PARD3: variants seen among roughly 807,000 people sequenced by gnomAD.
PARD3 encodes the protein partitioning defective 3 homolog.
PARD3 carries 75 observed loss-of-function variants against 155.4 expected under a neutral mutation model. The observed-to-expected ratio is 0.48, with a 90% CI of 0.40 to 0.58. The LOEUF is 0.58. Among genes scored for constraint, PARD3 ranks in the 20% least tolerant of loss-of-function variants. The pLI is 0.00. For missense variants in PARD3, 1,642 were observed against 1,721.7 expected (o/e 0.95, Z 0.82); for synonymous variants, 576 against 610.5 (o/e 0.94, Z 0.83).
At chr10:34,720,551 A>C (rs2094589499) in intron 1 of PARD3, among the ~76,000 whole-genome samples, 1 of 151,146 alleles carries the variant, frequency 6.6e-6, no homozygotes, top group African/African-American at 2.4e-5. Context: ...TAATCTCAGC[A>C]CTTTGGGAGG....
At chr10:34,260,659 C>A (rs962520629) in intron 22 of PARD3, among the ~76,000 whole-genome samples, 9 of 152,196 alleles carry the variant, frequency 5.9e-5, no homozygotes, top group African/African-American at 2.2e-4. Flanking sequence ...CATTAATTAG[C>A]AAAGGCACCA....
intron 7 of PARD3, among the ~76,000 whole-genome samples, chr10:34,399,020 TC>T (rs1188696288): frequency 6.6e-6 from 1 of 152,186 alleles, no homozygotes; most frequent in African/African-American, 2.4e-5. Context: ...TGCAAATTCA[TC>T]TGGAGTTCTG....
chr10:34,373,502 G>A (rs960187377), intron 11 of PARD3, among the ~76,000 whole-genome samples: 14 of 151,238 alleles, frequency 9.3e-5, no homozygotes, highest in African/African-American at 2.4e-4. Flanking sequence ...TTAAAGCTTC[G>A]GCAAATCACA....
intron 2 of PARD3, 35 bp downstream of exon 2, chr10:34,696,283 G>C: frequency 8.8e-7 from 1 of 1,138,782 alleles, no homozygotes; most frequent in Non-Finnish European, 1.3e-6. Flanking sequence ...AAAAAAAAAT[G>C]CATTCAGAAC....
At chr10:34,202,253 TATA>T (rs960135552) in intron 22 of PARD3, among the ~76,000 whole-genome samples, 1 of 152,156 alleles carries the variant, frequency 6.6e-6, no homozygotes, top group Non-Finnish European at 1.5e-5. Flanking sequence ...TTAAATCTTT[TATA>T]AAGATGGGAT....
chr10:34,445,672 A>T (rs2076699622), intron 5 of PARD3, among the ~76,000 whole-genome samples: 1 of 152,186 alleles, frequency 6.6e-6, no homozygotes, highest in Admixed American at 6.5e-5. Context: ...TTCCTTAAAA[A>T]CAGGTCTACA....
chr10:34,643,334 C>A (rs2092738549), intron 2 of PARD3, among the ~76,000 whole-genome samples: 1 of 152,210 alleles, frequency 6.6e-6, no homozygotes, highest in Non-Finnish European at 1.5e-5. Flanking sequence ...GCCATCAGGG[C>A]AGGGCCTCTG....
At position 34,414,103 on chromosome 10, in the gene PARD3, T is replaced by G. The variant is rs1459502605; in HGVS notation, c.715-12186A>C. On this transcript the variant is annotated intron_variant, in intron 5 of 24. Transcript: ENST00000374788. Reference sequence around the variant, plus strand: ...GTCTCAGCGACTCAGGAGGCTGAGGTGGGAGGATCACTTGAGCCCCAGAGG... The same window carrying G: ...GTCTCAGCGACTCAGGAGGCTGAGGGGGGAGGATCACTTGAGCCCCAGAGG... Among the ~76,000 whole-genome samples the G allele has an allele frequency of 4.0e-5, 6 of 151,218 alleles. No homozygotes were observed. The South Asian group carries it at 8.4e-4, about 21-fold the overall frequency.
intron 20 of PARD3, among the ~76,000 whole-genome samples, chr10:34,308,529 G>A (rs1457402095): frequency 6.6e-6 from 1 of 152,158 alleles, no homozygotes; most frequent in Non-Finnish European, 1.5e-5. Flanking sequence ...CAAAGCTTTG[G>A]ATCTAACCAA....
intron 2 of PARD3, among the ~76,000 whole-genome samples, chr10:34,683,405 A>C (rs2093883794): frequency 6.6e-6 from 1 of 151,694 alleles, no homozygotes; most frequent in African/African-American, 2.4e-5. Flanking sequence ...ACAAACAAAC[A>C]AAAAACTCGT....
chr10:34,639,986 C>T (rs1275888606), intron 2 of PARD3, among the ~76,000 whole-genome samples: 4 of 152,176 alleles, frequency 2.6e-5, no homozygotes, highest in African/African-American at 9.7e-5. Flanking sequence ...TACATACAAA[C>T]ATAGATAAAA....
chr10:34,778,653 A>G (rs1264073327), intron 1 of PARD3, among the ~76,000 whole-genome samples: 1 of 152,214 alleles, frequency 6.6e-6, no homozygotes, highest in African/African-American at 2.4e-5. Context: ...AGATCTACAC[A>G]TTTAGAAGGG....
intron 22 of PARD3, among the ~76,000 whole-genome samples, chr10:34,142,638 C>CGAAG (rs148760321): frequency 1.6e-4 from 23 of 146,820 alleles, no homozygotes; most frequent in African/African-American, 3.2e-4. Context: ...GAAGAAAGGA[C>CGAAG]GAAGGAAGGA....
At chr10:34,447,242 G>A (rs1291871211) in intron 5 of PARD3, among the ~76,000 whole-genome samples, 1 of 151,908 alleles carries the variant, frequency 6.6e-6, no homozygotes, top group Non-Finnish European at 1.5e-5. Context: ...CACTTTGGGA[G>A]GCTGAGGCAG....
chr10:34,765,107 A>G (rs1314361204), intron 1 of PARD3, among the ~76,000 whole-genome samples: 2 of 152,164 alleles, frequency 1.3e-5, no homozygotes, highest in Admixed American at 1.3e-4. Flanking sequence ...AGAGAAAGAC[A>G]CACCTGCCCC....
intron 2 of PARD3, among the ~76,000 whole-genome samples, chr10:34,579,277 A>AG (rs1196252528): frequency 6.6e-6 from 1 of 151,624 alleles, no homozygotes; most frequent in African/African-American, 2.4e-5. Flanking sequence ...TCAAAAAAAA[A>AG]AAAAAGAAAA....
chr10:34,704,147 A>G (rs963166134), intron 1 of PARD3, among the ~76,000 whole-genome samples: 4 of 152,200 alleles, frequency 2.6e-5, no homozygotes, highest in Admixed American at 2.6e-4. Flanking sequence ...CCTCTTCAAA[A>G]TGGCACTGAA....
At position 34,230,528 on chromosome 10, in the gene PARD3, A is replaced by AC. The variant is rs747798599; in HGVS notation, c.3419+39128dup. On this transcript the variant is annotated intron_variant, in intron 22 of 24. Transcript: ENST00000374788. The stretch of plus-strand genomic sequence containing the variant: ...CCTAGCGACTCCCACTAGTCACCTG[A>AC]CTATAGGTCTGGACTGGCTCTACCT... 4.6e-5 allele frequency among the ~76,000 whole-genome samples: 7 copies of AC among 152,272 alleles called. No individual in the cohort carries two copies. In the East Asian group the frequency reaches 9.6e-4, roughly 21 times the overall value.
At chr10:34,162,259 C>T (rs1338970076) in intron 22 of PARD3, among the ~76,000 whole-genome samples, 2 of 152,180 alleles carry the variant, frequency 1.3e-5, no homozygotes, top group Non-Finnish European at 2.9e-5. Flanking sequence ...CTTATACAAA[C>T]AGGGAACCCA....
Sources: allele counts gnomAD v4.1 joint callset (sites outside exome capture counted in the v4.1 genomes callset), GRCh38; gene constraint gnomAD v4.1.1; transcripts MANE v1.5; gene names NCBI Gene and HGNC (gene_info 2026-07-23, HGNC 2026-07-21).